Variants in DGKA observed in about 807,000 individuals in gnomAD.
DGKA encodes 80 kDa diacylglycerol kinase.
Under a neutral mutation model 105.0 loss-of-function variants are expected in DGKA, and 35 were observed. The observed-to-expected ratio is 0.33, with a 90% CI of 0.25 to 0.44. DGKA has a LOEUF of 0.44. Ranked by LOEUF, DGKA falls within the 20% of genes least tolerant of loss-of-function variation. The probability of loss-of-function intolerance (pLI) is 1.00; values close to 1 mark genes in which losing one functional copy is unlikely to be tolerated. For synonymous variants in DGKA, 296 were observed against 332.0 expected, an observed-to-expected ratio of 0.89 and a Z score of 1.18; for missense variants, 665 against 915.0, an observed-to-expected ratio of 0.73 and a Z score of 3.53.
rs764606844 is a variant in DGKA, at chr12:55,940,996, T to C, written c.1101+16T>C. 1 of 1,611,086 alleles carries C rather than the reference T, an allele frequency of 6.2e-7. No individual in the cohort carries two copies. Among genetic ancestry groups the C allele is most frequent in the South Asian group, 1.1e-5 (1 of 90,572 alleles). On this transcript the variant is annotated intron_variant, in intron 13 of 23. Coordinates refer to ENST00000331886, the MANE Select transcript of DGKA (RefSeq NM_001345.5). This position sits in a 1 kb window ranked among gnomAD's most constrained non-coding sequence, Gnocchi z 4.3. Reference sequence around the variant, plus strand: ...GGCTCTGCGGGTACAGGGCTGAGAGTCTTGGGCTTCATGATGGGGGCAGGT... The same window carrying C: ...GGCTCTGCGGGTACAGGGCTGAGAGCCTTGGGCTTCATGATGGGGGCAGGT...
At chr12:55,938,439 C>T in intron 5 of DGKA, 72 bp from the exon 6 acceptor site, 1 of 1,581,506 alleles carries the variant, frequency 6.3e-7, no homozygotes. Flanking sequence ...TCTTTGTTTC[C>T]CCCATATTCT....
intron 2 of DGKA, 94 bp downstream of exon 2, chr12:55,936,661 G>A (rs1232484651): frequency 1.3e-6 from 2 of 1,551,980 alleles, no homozygotes; most frequent in South Asian, 1.1e-5. Flanking sequence ...AGCTTCCTCA[G>A]TGGCTTTGAG....
chr12:55,941,991 G>T lies in DGKA; in HGVS notation c.1251-7G>T. On this transcript the variant is annotated splice_polypyrimidine_tract_variant and splice_region_variant and intron_variant, in intron 15 of 23. Coordinates refer to ENST00000331886, the MANE Select transcript of DGKA (RefSeq NM_001345.5). ...CTTCTTCATATTCTCTCTCCCCTTT[G>T]TCTCAGGCTCCGATTATTCAAGGAT... is the stretch of plus-strand genomic sequence containing the variant. 1 of 1,614,078 alleles carries T rather than the reference G, an allele frequency of 6.2e-7. No individual in the cohort carries two copies. Among genetic ancestry groups the T allele is most frequent in the South Asian group, 1.1e-5 (1 of 91,042 alleles).
At chr12:55,936,773 AT>A in intron 2 of DGKA, 1 of 890,962 alleles carries the variant, frequency 1.1e-6, no homozygotes. Flanking sequence ...ACTGGGCTGC[AT>A]TGTGCAAGGT....
rs1329439235 is a variant in DGKA, at chr12:55,942,049, A to G, written c.1302A>G (p.Gly434=). Residue 434 remains glycine, a synonymous_variant, in exon 16 of 24, where the codon GGA becomes GGG. Transcript: ENST00000331886. ...ATAGCCGGATTTTGGTGTGTGGTGG[A>G]GACGGCACAGTAGGCTGGATTCTAG... ...VPDSRILVCG[G]DGTVGWILET... 6.2e-7 allele frequency: 1 copy of G among 1,614,146 alleles called. No individual in the cohort carries two copies.
intron 3 of DGKA, 34 bp from the exon 4 acceptor site, chr12:55,937,374 A>C (rs1362542016): frequency 6.2e-7 from 1 of 1,606,112 alleles, no homozygotes; most frequent in African/African-American, 1.3e-5. Flanking sequence ...CTGACCTTGC[A>C]GACTCCCCAG....
chr12:55,951,868 G>C, intron 18 of DGKA, 85 bp downstream of exon 18: 4 of 1,544,552 alleles, frequency 2.6e-6, no homozygotes, highest in South Asian at 1.2e-5. Flanking sequence ...GGAGGGGGAG[G>C]TTAAGTGACC....
In DGKA at chr12:55,940,039, G is replaced by A; in HGVS notation, c.710-43G>A. The A allele has an allele frequency of 6.5e-7, 1 of 1,540,796 alleles. No individual in the cohort carries two copies. Among genetic ancestry groups the A allele is most frequent in the Non-Finnish European group, 9.0e-7 (1 of 1,113,888 alleles). ...CCCTCAGGTAAGAAGGAAATAGGGG[G>A]AGAGGCTCAGCTAAGCCTCCCAACT... On this transcript the variant is annotated intron_variant, in intron 9 of 23. Coordinates refer to ENST00000331886, the MANE Select transcript of DGKA (RefSeq NM_001345.5). This position sits in a 1 kb window ranked among gnomAD's most constrained non-coding sequence, Gnocchi z 4.3.
chr12:55,940,104 C>T lies in DGKA; in HGVS notation c.732C>T (p.Asp244=). 6.2e-7 allele frequency: 1 copy of T among 1,614,236 alleles called. No homozygotes were observed. The highest frequency in any genetic ancestry group is 8.5e-7 in the Non-Finnish European group (1 of 1,180,026). ...SCNLCKYTVH[D]QCAMKALPCE... ...CAGTCTGTAAGTACACTGTTCACGA[C>T]CAGTGTGCCATGAAAGCCCTGCCTT... Residue 244 remains aspartate, a synonymous_variant, in exon 10 of 24, where the codon GAC becomes GAT. Transcript: ENST00000331886. This position sits in a 1 kb window ranked among gnomAD's most constrained non-coding sequence, Gnocchi z 4.3.
upstream of DGKA, chr12:55,927,655 G>A: frequency 6.6e-7 from 1 of 1,524,766 alleles, no homozygotes; most frequent in Non-Finnish European, 8.8e-7. Flanking sequence ...ATTGCTGTCG[G>A]CCAACCCACT....
In DGKA at chr12:55,932,692, T is replaced by TAC. The variant is rs796401115; in HGVS notation, c.-82+1363_-82+1364dup. ...TCCTATACTACGCAATGACACCCTCTACACACACACACACACGCACACACA... is the reference window on the plus strand; with the variant it reads ...TCCTATACTACGCAATGACACCCTCTACACACACACACACACACGCACACACA... On this transcript the variant is annotated intron_variant, in intron 1 of 23. Coordinates refer to ENST00000331886, the MANE Select transcript of DGKA (RefSeq NM_001345.5). The surrounding 1 kb of genome is among the most constrained non-coding windows in gnomAD (Gnocchi z 4.3). 139 of 580,720 alleles carry TAC rather than the reference T, an allele frequency of 2.4e-4. No homozygotes were observed. Among genetic ancestry groups the TAC allele is most frequent in the African/African-American group, 9.0e-4 (42 of 46,622 alleles). 36.0% of individuals were successfully genotyped at this position (580,720 alleles called of 1,614,324 possible). A position where few individuals can be genotyped will look rare whatever the true frequency, so the allele number is the denominator to read the frequency against.
Position 55,932,462 on chromosome 12 carries a change from G to C in DGKA, c.-82+1118G>C. ...ACGGGTGGAGAAGGGTTCTTGTTTG[G>C]CCTCCAGGTCCCCAACTTCCCACCC... On this transcript the variant is annotated intron_variant, in intron 1 of 23. Coordinates refer to ENST00000331886, the MANE Select transcript of DGKA (RefSeq NM_001345.5). The surrounding 1 kb of genome is among the most constrained non-coding windows in gnomAD (Gnocchi z 4.3). 1 of 693,558 alleles carries C rather than the reference G, an allele frequency of 1.4e-6. No individual in the cohort carries two copies. The highest frequency in any genetic ancestry group is 1.5e-5 in the South Asian group (1 of 66,528). The allele number at this position is 693,558 out of a possible 1,614,324, so 43.0% of individuals were successfully genotyped here. A position where few individuals can be genotyped will look rare whatever the true frequency, so the allele number is the denominator to read the frequency against.
intron 9 of DGKA, 97 bp from the exon 10 acceptor site, chr12:55,939,985 C>A: frequency 9.0e-7 from 1 of 1,114,172 alleles, no homozygotes; most frequent in Non-Finnish European, 1.4e-6. Flanking sequence ...CACCCTCAAG[C>A]AAGGGATCAC....
Position 55,940,617 on chromosome 12 carries a change from C to T in DGKA, c.919-7C>T, listed in dbSNP as rs1376473431. The T allele has an allele frequency of 6.4e-7, 1 of 1,572,842 alleles. No homozygotes were observed. Among genetic ancestry groups the T allele is most frequent in the Non-Finnish European group, 8.6e-7 (1 of 1,162,170 alleles). On this transcript the variant is annotated splice_polypyrimidine_tract_variant and splice_region_variant and intron_variant, in intron 11 of 23. Coordinates refer to ENST00000331886, the MANE Select transcript of DGKA (RefSeq NM_001345.5). The surrounding 1 kb of genome is among the most constrained non-coding windows in gnomAD (Gnocchi z 4.3). ...CGTGATCTCTCTGTGCCCACCTCGT[C>T]TTTCAGATCCACGATGACTGCCTGC...
Position 55,940,571 on chromosome 12 carries a change from G to A in DGKA, c.919-53G>A. 1 of 1,556,824 alleles carries A rather than the reference G, an allele frequency of 6.4e-7. No individual in the cohort carries two copies. The highest frequency in any genetic ancestry group is 8.7e-7 in the Non-Finnish European group (1 of 1,152,284). On this transcript the variant is annotated intron_variant, in intron 11 of 23. Coordinates refer to ENST00000331886, the MANE Select transcript of DGKA (RefSeq NM_001345.5). This position sits in a 1 kb window ranked among gnomAD's most constrained non-coding sequence, Gnocchi z 4.3. ...TCTTTCCAGCCCAGACTGCCAGGTTGAGAGGAGACAGGGTTACCTTCGTGA... is the reference window on the plus strand; with the variant it reads ...TCTTTCCAGCCCAGACTGCCAGGTTAAGAGGAGACAGGGTTACCTTCGTGA...
At position 55,940,993 on chromosome 12, in the gene DGKA, G is replaced by A. The variant is rs536216434; in HGVS notation, c.1101+13G>A. On this transcript the variant is annotated intron_variant, in intron 13 of 23. Transcript: ENST00000331886. The surrounding 1 kb of genome is among the most constrained non-coding windows in gnomAD (Gnocchi z 4.3). ...TGAGGCTCTGCGGGTACAGGGCTGA[G>A]AGTCTTGGGCTTCATGATGGGGGCA... is the stretch of plus-strand genomic sequence containing the variant. 1.9e-6 allele frequency: 3 copies of A among 1,612,824 alleles called. No homozygotes were observed. The African/African-American group carries it at 4.0e-5, about 22-fold the overall frequency.
At chr12:55,938,147 G>GGAATAA in intron 5 of DGKA, 95 bp downstream of exon 5, 1 of 1,184,554 alleles carries the variant, frequency 8.4e-7, no homozygotes, top group Non-Finnish European at 1.2e-6. Flanking sequence ...GATTCCTAAA[G>GGAATAA]GCTGACAGGT....
chr12:55,949,442 G>A (rs1372226668), intron 17 of DGKA, among the ~76,000 whole-genome samples: 2 of 152,138 alleles, frequency 1.3e-5, no homozygotes, highest in Non-Finnish European at 1.5e-5. Context: ...TAGGTGATCT[G>A]CCCACCTCGG....
rs1565733324 is a variant in DGKA, at chr12:55,936,583, A to G, written c.64+16A>G. The stretch of plus-strand genomic sequence containing the variant: ...TACATGGAATGTGAGTCTTCCTGTC[A>G]GGCCTTCAGTTCTGGAGACCCTGCC... On this transcript the variant is annotated intron_variant, in intron 2 of 23. Transcript: ENST00000331886. 1.9e-6 allele frequency: 3 copies of G among 1,614,122 alleles called. No homozygotes were observed. The highest frequency in any genetic ancestry group is 2.5e-6 in the Non-Finnish European group (3 of 1,180,002).
Sources: allele counts gnomAD v4.1 joint callset (sites outside exome capture counted in the v4.1 genomes callset), GRCh38; gene constraint gnomAD v4.1.1; non-coding constraint Gnocchi (gnomAD v3.1); transcripts MANE v1.5; gene names NCBI Gene and HGNC (gene_info 2026-07-23, HGNC 2026-07-21).